The following ACTL8 variants were observed in gnomAD, a reference collection of about 807,000 sequenced individuals.
ACTL8 encodes actin like 8.
In ACTL8, 3 loss-of-function variants were observed where a neutral mutation model predicts 9.3. That is an observed-to-expected ratio of 0.32 (90% CI 0.15 to 0.83). ACTL8 has a LOEUF of 0.83. ACTL8 is among the 40% of genes least tolerant of loss of function. The pLI is 0.57. For synonymous variants in ACTL8, 224 were observed against 205.9 expected, an observed-to-expected ratio of 1.09 and a Z score of -0.75; for missense variants, 381 against 492.2, an observed-to-expected ratio of 0.77 and a Z score of 2.14.
intron 1 of ACTL8, among the ~76,000 whole-genome samples, chr1:17,770,647 G>A (rs1337612782): frequency 6.6e-6 from 1 of 152,180 alleles, no homozygotes; most frequent in Non-Finnish European, 1.5e-5. Flanking sequence ...TGGCCAATGT[G>A]CTGGTCATTT....
rs187285306 is a variant in ACTL8 at position 17,792,009 on chromosome 1, A to T, written c.-24-30976A>T. Among the ~76,000 whole-genome samples the T allele has an allele frequency of 6.7e-3, 1,025 of 151,912 alleles. 7 individuals are homozygous for T. The highest frequency in any genetic ancestry group is 0.01 in the Middle Eastern group (3 of 294). On this transcript the variant is annotated intron_variant, in intron 1 of 2. Transcript: ENST00000375406. ...CTTGGGATCCTGCCCCCCCTCATCAACCCCATCAGGAACCCTTATCATTGG... is the reference window on the plus strand; with the variant it reads ...CTTGGGATCCTGCCCCCCCTCATCATCCCCATCAGGAACCCTTATCATTGG...
chr1:17,779,405 C>G (rs2066138466), intron 1 of ACTL8, among the ~76,000 whole-genome samples: 2 of 152,230 alleles, frequency 1.3e-5, no homozygotes, highest in South Asian at 4.1e-4. Context: ...GCTGCTTCCC[C>G]ACATTATAGC....
rs376596246 is a variant in ACTL8 at position 17,767,847 on chromosome 1, G to A, written c.-25+12343G>A. ...GCTGACACGGGAGGAATGACACTGC[G>A]TTACTCAAGCAGGTGGCAGTGTGGC... On this transcript the variant is annotated intron_variant, in intron 1 of 2. Transcript: ENST00000375406. The surrounding 1 kb of genome is among the most constrained non-coding windows in gnomAD (Gnocchi z 4.7). Among the ~76,000 whole-genome samples, 17 of 152,096 alleles carry A rather than the reference G, an allele frequency of 1.1e-4. 1 individual carries two copies. Among genetic ancestry groups the A allele is most frequent in the Admixed American group, 2.0e-4 (3 of 15,264 alleles).
At position 17,802,424 on chromosome 1, in the gene ACTL8, C is replaced by CGTGTGTGTGTGTGTGTGTGTGT. The variant is rs72387933; in HGVS notation, c.-24-20554_-24-20533dup. Among the ~76,000 whole-genome samples the CGTGTGTGTGTGTGTGTGTGTGT allele has an allele frequency of 2.1e-3, 311 of 146,690 alleles. 2 individuals are homozygous for CGTGTGTGTGTGTGTGTGTGTGT. Among genetic ancestry groups the CGTGTGTGTGTGTGTGTGTGTGT allele is most frequent in the African/African-American group, 7.4e-3 (296 of 39,856 alleles). Reference sequence around the variant, plus strand: ...AGCAGATCCCGGATGACTGTGCGTGCGTGTGTGTGTGTGTGTGTGTGTGTG... The same window carrying CGTGTGTGTGTGTGTGTGTGTGT: ...AGCAGATCCCGGATGACTGTGCGTGCGTGTGTGTGTGTGTGTGTGTGTGTGTGTGTGTGTGTGTGTGTGTGTG... On this transcript the variant is annotated intron_variant, in intron 1 of 2. Coordinates refer to ENST00000375406, the MANE Select transcript of ACTL8 (RefSeq NM_030812.3).
At chr1:17,822,911 G>A (rs1005356244) in intron 1 of ACTL8, 74 bp from the exon 2 acceptor site, 3 of 1,017,138 alleles carry the variant, frequency 2.9e-6, no homozygotes, top group South Asian at 1.6e-5. Flanking sequence ...AGGTTTGACT[G>A]TTGGGTAGAG....
intron 1 of ACTL8, among the ~76,000 whole-genome samples, chr1:17,812,274 A>G (rs2066398130): frequency 6.6e-6 from 1 of 152,140 alleles, no homozygotes; most frequent in African/African-American, 2.4e-5. Context: ...TACCATATAC[A>G]CTTTAGAATC....
rs565910137 is a variant in ACTL8, at chr1:17,766,435, C to T, written c.-25+10931C>T. On this transcript the variant is annotated intron_variant, in intron 1 of 2. Coordinates refer to ENST00000375406, the MANE Select transcript of ACTL8 (RefSeq NM_030812.3). Reference sequence around the variant, plus strand: ...CTTCTGCTCCCATGTCACACACACTCGGTCTGGGACCTCTTCTGTGCAAAT... The same window carrying T: ...CTTCTGCTCCCATGTCACACACACTTGGTCTGGGACCTCTTCTGTGCAAAT... 3.2e-4 allele frequency among the ~76,000 whole-genome samples: 49 copies of T among 152,312 alleles called. No homozygotes were observed. In the South Asian group the frequency reaches 8.9e-3, roughly 28 times the overall value.
chr1:17,802,596 G>A (rs772443009), intron 1 of ACTL8, among the ~76,000 whole-genome samples: 1 of 152,094 alleles, frequency 6.6e-6, no homozygotes, highest in African/African-American at 2.4e-5. Flanking sequence ...TCATATCCCC[G>A]ATCATAACAT....
chr1:17,775,474 A>G (rs1008180582), intron 1 of ACTL8, among the ~76,000 whole-genome samples: 3 of 152,218 alleles, frequency 2.0e-5, no homozygotes, highest in African/African-American at 7.2e-5. Context: ...GAGAGGTACC[A>G]GAGGCCAGGA....
At chr1:17,803,149 G>A (rs113168844) in intron 1 of ACTL8, among the ~76,000 whole-genome samples, 44 of 152,064 alleles carry the variant, frequency 2.9e-4, no homozygotes, top group African/African-American at 1.0e-3. Flanking sequence ...TGCTATTCTC[G>A]TAATAGTGAG....
At chr1:17,771,886 T>C (rs1294825171) in intron 1 of ACTL8, among the ~76,000 whole-genome samples, 2 of 152,134 alleles carry the variant, frequency 1.3e-5, no homozygotes, top group African/African-American at 4.8e-5. Context: ...GGTGTTTTCC[T>C]ATTCTTCCAC....
intron 1 of ACTL8, among the ~76,000 whole-genome samples, chr1:17,809,954 A>G (rs2066383385): frequency 6.6e-6 from 1 of 152,180 alleles, no homozygotes; most frequent in Non-Finnish European, 1.5e-5. Flanking sequence ...AAGGTTGGGG[A>G]TCGCTGATAC....
intron 1 of ACTL8, among the ~76,000 whole-genome samples, chr1:17,805,376 T>C (rs78117178): frequency 1.9e-5 from 1 of 51,692 alleles, no homozygotes; most frequent in African/African-American, 1.0e-4. Flanking sequence ...TTTTTCTTTT[T>C]CTTTTTTTTT....
chr1:17,763,765 C>T (rs895645514), intron 1 of ACTL8, among the ~76,000 whole-genome samples: 20 of 152,308 alleles, frequency 1.3e-4, no homozygotes, highest in East Asian at 1.9e-4. Context: ...ATTCCCTCCC[C>T]CTGCAGAAAA....
chr1:17,810,682 C>A (rs1311422215), intron 1 of ACTL8, among the ~76,000 whole-genome samples: 1 of 152,220 alleles, frequency 6.6e-6, no homozygotes, highest in Non-Finnish European at 1.5e-5. Context: ...GTTAACTCTT[C>A]TCACCGCCCC....
chr1:17,763,524 C>T (rs1163173916), intron 1 of ACTL8, among the ~76,000 whole-genome samples: 1 of 152,196 alleles, frequency 6.6e-6, no homozygotes, highest in Non-Finnish European at 1.5e-5. Flanking sequence ...CCCTCGGCCC[C>T]TCCCCGTGTC....
At chr1:17,777,770 C>T (rs2066127606) in intron 1 of ACTL8, among the ~76,000 whole-genome samples, 2 of 152,242 alleles carry the variant, frequency 1.3e-5, no homozygotes, top group South Asian at 4.1e-4. Context: ...GCAATCTCAG[C>T]TCACTGCAAC....
At chr1:17,758,249 A>G (rs1459524138) in intron 1 of ACTL8, among the ~76,000 whole-genome samples, 1 of 152,224 alleles carries the variant, frequency 6.6e-6, no homozygotes, top group Non-Finnish European at 1.5e-5. Flanking sequence ...CAAGGTGGGC[A>G]CACATTGGAG....
intron 1 of ACTL8, among the ~76,000 whole-genome samples, chr1:17,789,538 C>T (rs574101414): frequency 2.6e-5 from 4 of 152,276 alleles, no homozygotes; most frequent in Admixed American, 2.0e-4. Flanking sequence ...GTGGTGTCCC[C>T]AGCACTTAGC....
Sources: gnomAD v4.1 joint callset for allele counts (sites outside exome capture counted in the v4.1 genomes callset) on GRCh38, gnomAD v4.1.1 for gene constraint, Gnocchi (gnomAD v3.1) non-coding constraint, MANE v1.5 for transcripts, NCBI Gene and HGNC (gene_info 2026-07-23, HGNC 2026-07-21) for gene names.